Variants in CRYBG1 observed in about 807,000 individuals in gnomAD.
CRYBG1 encodes beta/gamma crystallin domain-containing protein 1.
A neutral mutation model predicts 189.2 loss-of-function variants in CRYBG1; 139 were observed. The ratio of observed to expected loss-of-function variants is 0.73; its 90% CI spans 0.64 to 0.85. CRYBG1 has a LOEUF of 0.85. Among genes scored for constraint, CRYBG1 ranks in the 40% least tolerant of loss-of-function variants. CRYBG1 has a pLI of 0.00. For synonymous variants in CRYBG1, 1,023 were observed against 1,017.1 expected, an observed-to-expected ratio of 1.01 and a Z score of -0.11; for missense variants, 2,611 against 2,675.8, an observed-to-expected ratio of 0.98 and a Z score of 0.53.
chr6:106,451,120 G>T (rs1041205030), intron 1 of CRYBG1, among the ~76,000 whole-genome samples: 1 of 152,166 alleles, frequency 6.6e-6, no homozygotes, highest in Non-Finnish European at 1.5e-5. Context: ...AACAGTGAAG[G>T]GTTGGATAAA....
chr6:106,410,571 A>G (rs1770910348), intron 1 of CRYBG1, among the ~76,000 whole-genome samples: 1 of 152,252 alleles, frequency 6.6e-6, no homozygotes, highest in Non-Finnish European at 1.5e-5. Context: ...AGACACATGC[A>G]CACATATGTT....
intron 1 of CRYBG1, among the ~76,000 whole-genome samples, chr6:106,423,695 C>T (rs3046404): frequency 0.47 from 20,132 of 42,868 alleles, 4,956 homozygotes; most frequent in African/African-American, 0.69. Flanking sequence ...TCTCCCTCCC[C>T]TTTTTTTTTT....
chr6:106,399,826 C>T (rs1179565601), intron 1 of CRYBG1, among the ~76,000 whole-genome samples: 1 of 151,472 alleles, frequency 6.6e-6, no homozygotes, highest in African/African-American at 2.4e-5. Flanking sequence ...CCAGCTAATT[C>T]TTTTACCTTT....
rs77734115 is a variant in CRYBG1, at chr6:106,416,624, G to A, written c.174-35070G>A. Among the ~76,000 whole-genome samples, 146 of 152,268 alleles carry A rather than the reference G, an allele frequency of 9.6e-4. 4 individuals are homozygous for A. In the East Asian group the frequency reaches 0.026, roughly 27 times the overall value. On this transcript the variant is annotated intron_variant, in intron 1 of 21. Transcript: ENST00000633556. Reference sequence around the variant, plus strand: ...TTTGGCTGAAATTTTGAGATGAGGAGGAAAGGTGTAAATATTTGAATAAAT... The same window carrying A: ...TTTGGCTGAAATTTTGAGATGAGGAAGAAAGGTGTAAATATTTGAATAAAT...
chr6:106,368,758 T>G (rs1236879597), intron 1 of CRYBG1, among the ~76,000 whole-genome samples: 5 of 152,146 alleles, frequency 3.3e-5, no homozygotes, highest in Non-Finnish European at 7.3e-5. Context: ...GAGACCTAGA[T>G]TGAGTTGCTA....
chr6:106,522,453 T>C (rs956151911), intron 4 of CRYBG1, among the ~76,000 whole-genome samples: 7 of 152,244 alleles, frequency 4.6e-5, no homozygotes, highest in Non-Finnish European at 1.0e-4. Context: ...TTTTGGGGAA[T>C]AATTTTGATT....
rs1562096921 is a variant in CRYBG1 at position 106,512,946 on chromosome 6, CG to C, written c.1831del (p.Ala611ProfsTer12). 2 of 1,610,184 alleles carry C rather than the reference CG, an allele frequency of 1.2e-6. No individual in the cohort carries two copies. The highest frequency in any genetic ancestry group is 1.1e-5 in the South Asian group (1 of 90,568). ...EGGRSRELGR[A>X]AGAPGASDAD... The stretch of plus-strand genomic sequence containing the variant: ...GGTCGAAGCAGAGAGCTGGGCAGAG[CG>C]GCCGGAGCGCCTGGAGCTTCTGACG... On this transcript the variant is annotated frameshift_variant, in exon 3 of 22. Transcript: ENST00000633556. LOFTEE classifies it high-confidence loss of function.
Position 106,511,940 on chromosome 6 carries a change from C to T in CRYBG1, c.823C>T (p.Pro275Ser). Residue 275 changes from proline to serine, a missense_variant, in exon 3 of 22, where the codon CCG becomes TCG. Physicochemically the swap from Pro to Ser is moderately conservative, Grantham distance 74. This residue lies in a region of CRYBG1 where 985 missense variants were observed against 924.4 expected (regional missense o/e 1.07). Transcript: ENST00000633556. ...GAACGCAGAGACGCCCGCCCGCAGT[C>T]CGGGGGAGGACGCTTCACCAGGTGC... ...QENAETPARSPGEDASPGAGH... is the reference protein window; with the variant it reads ...QENAETPARSSGEDASPGAGH... 6.5e-7 allele frequency: 1 copy of T among 1,526,960 alleles called. No homozygotes were observed. The allele number at this position is 1,526,960 out of a possible 1,614,324, so 94.6% of individuals were successfully genotyped here. A position where few individuals can be genotyped will look rare whatever the true frequency, so the allele number is the denominator to read the frequency against.
intron 6 of CRYBG1, 108 bp from the exon 7 acceptor site, chr6:106,527,197 G>A: frequency 1.2e-6 from 1 of 846,960 alleles, no homozygotes; most frequent in Non-Finnish European, 1.7e-6. Flanking sequence ...ATAATTGGCT[G>A]CTAATATTCT....
At chr6:106,492,658 T>A (rs1772751335) in intron 2 of CRYBG1, among the ~76,000 whole-genome samples, 2 of 152,320 alleles carry the variant, frequency 1.3e-5, no homozygotes, top group South Asian at 4.1e-4. Flanking sequence ...ACGCAGGCCA[T>A]CCATATATGG....
At chr6:106,410,407 C>T (rs960470250) in intron 1 of CRYBG1, among the ~76,000 whole-genome samples, 3 of 152,194 alleles carry the variant, frequency 2.0e-5, no homozygotes, top group Admixed American at 6.5e-5. Flanking sequence ...GAAATAGGAA[C>T]ACTTTTACAC....
At chr6:106,393,695 T>C (rs1770552318) in intron 1 of CRYBG1, among the ~76,000 whole-genome samples, 1 of 133,564 alleles carries the variant, frequency 7.5e-6, no homozygotes, top group South Asian at 2.5e-4. Flanking sequence ...TTTTTTTTTT[T>C]TTAGGAGTCT....
chr6:106,408,412 G>A (rs1453828742), intron 1 of CRYBG1, among the ~76,000 whole-genome samples: 2 of 152,142 alleles, frequency 1.3e-5, no homozygotes, highest in Admixed American at 6.5e-5. Context: ...CCTAGGACTA[G>A]GCAGATTCAC....
intron 1 of CRYBG1, among the ~76,000 whole-genome samples, chr6:106,390,942 A>T (rs1045007487): frequency 2.6e-5 from 4 of 152,282 alleles, no homozygotes; most frequent in African/African-American, 9.6e-5. Flanking sequence ...TATACTCAGA[A>T]TTTGAATTGC....
At chr6:106,539,112 T>C (rs1774071393) in intron 8 of CRYBG1, among the ~76,000 whole-genome samples, 1 of 152,204 alleles carries the variant, frequency 6.6e-6, no homozygotes, top group Non-Finnish European at 1.5e-5. Flanking sequence ...TTACTAATGT[T>C]TGGCACCATG....
In CRYBG1 at chr6:106,571,816, A is replaced by G. The variant is rs1775070682; in HGVS notation, c.*3250A>G. The G allele has an allele frequency of 5.4e-6, 3 of 554,796 alleles. No homozygotes were observed. In the East Asian group the frequency reaches 8.9e-5, roughly 16 times the overall value. 34.4% of individuals were successfully genotyped at this position (554,796 alleles called of 1,614,324 possible). A position where few individuals can be genotyped will look rare whatever the true frequency, so the allele number is the denominator to read the frequency against. ...ATTTCTACTGACTACAGACAAATCC[A>G]AGTGCTGATATTTTTATATCAATTA... is the stretch of plus-strand genomic sequence containing the variant. On this transcript the variant is annotated 3_prime_UTR_variant, in exon 22 of 22. Coordinates refer to ENST00000633556, the MANE Select transcript of CRYBG1 (RefSeq NM_001371242.2).
rs770683852 is a variant in CRYBG1 at position 106,360,788 on chromosome 6, G to C, written c.-121G>C. 3.7e-5 allele frequency: 44 copies of C among 1,203,370 alleles called. No individual in the cohort carries two copies. The highest frequency in any genetic ancestry group is 4.6e-5 in the Non-Finnish European group (42 of 903,284). The allele number at this position is 1,203,370 out of a possible 1,614,324, so 74.5% of individuals were successfully genotyped here. On this transcript the variant is annotated 5_prime_UTR_variant, in exon 1 of 22. Coordinates refer to ENST00000633556, the MANE Select transcript of CRYBG1 (RefSeq NM_001371242.2). ...GTCCCCCCGCATCCGCGACGAGGGG[G>C]CGGGGTCCCACGGCGCGCTGAGAAA...
At chr6:106,568,363 C>T (rs1170456825) in intron 21 of CRYBG1, 109 bp from the exon 22 acceptor site, 5 of 888,238 alleles carry the variant, frequency 5.6e-6, no homozygotes, top group Admixed American at 2.0e-5. Context: ...TGCAGTTCTA[C>T]ACCTTGTTTA....
chr6:106,362,999 A>G (rs1771908704), intron 1 of CRYBG1, among the ~76,000 whole-genome samples: 1 of 151,930 alleles, frequency 6.6e-6, no homozygotes, highest in Non-Finnish European at 1.5e-5. Context: ...TAATCCCAGC[A>G]CTTTGGGAGG....
Sources: allele counts gnomAD v4.1 joint callset (sites outside exome capture counted in the v4.1 genomes callset), GRCh38; gene constraint gnomAD v4.1.1; regional missense constraint gnomAD v4.1.1; transcripts MANE v1.5; gene names NCBI Gene and HGNC (gene_info 2026-07-23, HGNC 2026-07-21).